RTL4: variants seen among roughly 807,000 people sequenced by gnomAD.
The protein encoded by RTL4 is retrotransposon Gag like 4, also known as retrotransposon Gag-like protein 4.
A neutral mutation model predicts 5.3 loss-of-function variants in RTL4; 4 were observed. The ratio of observed to expected loss-of-function variants is 0.75; its 90% CI spans 0.37 to 1.72. The LOEUF (loss-of-function observed/expected upper bound fraction) is 1.72. Ranked by LOEUF, RTL4 falls within the 40% of genes most tolerant of loss-of-function variation. The pLI is 0.04. For missense variants in RTL4, 260 were observed against 227.1 expected (o/e 1.14, Z -0.93); for synonymous variants, 98 against 87.3 (o/e 1.12, Z -0.68).
chrX:112,343,671 T>A, the RTL4 span, among the ~76,000 whole-genome samples: 1 of 111,914 alleles, frequency 8.9e-6, no homozygotes, highest in African/African-American at 3.2e-5. Context: ...TCTTTTAAAA[T>A]GAAGCAGCAG....
chrX:112,312,990 G>A, the RTL4 span, among the ~76,000 whole-genome samples: 1 of 111,228 alleles, frequency 9.0e-6, no homozygotes, highest in Non-Finnish European at 1.9e-5. Context: ...GTCAGGGAGT[G>A]CAGGGAATGT....
At chrX:112,346,149 C>G in the RTL4 span, among the ~76,000 whole-genome samples, 6 of 111,475 alleles carry the variant, frequency 5.4e-5, no homozygotes. Context: ...TCTCTGTTTT[C>G]TAAACAATTT....
chrX:112,219,793 T>A, the RTL4 span, among the ~76,000 whole-genome samples: 1 of 112,480 alleles, frequency 8.9e-6, no homozygotes, highest in Non-Finnish European at 1.9e-5. Context: ...TTTTTTGTAA[T>A]GTGGTACATG....
chrX:112,451,699 A>C (rs1267634974), upstream of RTL4, among the ~76,000 whole-genome samples: 1 of 111,519 alleles, frequency 9.0e-6, no homozygotes, highest in Non-Finnish European at 1.9e-5. Context: ...TTGAGTTTAG[A>C]AGTGACATCC....
the RTL4 span, among the ~76,000 whole-genome samples, chrX:112,163,279 G>A: frequency 1.8e-5 from 2 of 111,955 alleles, no homozygotes; most frequent in Non-Finnish European, 1.9e-5. Context: ...ATTTCCTAAG[G>A]CTTACTATCC....
chrX:112,386,935 G>A, the RTL4 span, among the ~76,000 whole-genome samples: 12 of 111,842 alleles, frequency 1.1e-4, no homozygotes, highest in East Asian at 8.5e-4. Flanking sequence ...TCTCCACACC[G>A]TTTCCAAAGT....
At chrX:112,322,498 T>C in the RTL4 span, among the ~76,000 whole-genome samples, 1 of 111,491 alleles carries the variant, frequency 9.0e-6, no homozygotes, top group Non-Finnish European at 1.9e-5. Flanking sequence ...CACATTCACG[T>C]ACACTGTCTC....
At chrX:112,207,150 C>T in the RTL4 span, among the ~76,000 whole-genome samples, 1 of 111,698 alleles carries the variant, frequency 9.0e-6, no homozygotes, top group Admixed American at 9.6e-5. Flanking sequence ...CACAACCAGC[C>T]CCAGGACTAA....
chrX:112,085,582 T>C, the RTL4 span, among the ~76,000 whole-genome samples: 1 of 111,634 alleles, frequency 9.0e-6, no homozygotes, highest in East Asian at 2.8e-4. Context: ...GCCCTGTGCA[T>C]TGTAGAATGT....
chrX:112,175,294 A>G, the RTL4 span, among the ~76,000 whole-genome samples: 2 of 92,808 alleles, frequency 2.2e-5, no homozygotes, highest in African/African-American at 3.9e-5. Context: ...AGCTTTCTAC[A>G]TATGGCTAGC....
At chrX:112,328,679 C>T in the RTL4 span, among the ~76,000 whole-genome samples, 1 of 111,955 alleles carries the variant, frequency 8.9e-6, no homozygotes, top group Admixed American at 9.5e-5. Context: ...CTAGAGAAAT[C>T]TCCACCCCAA....
At chrX:112,206,647 A>T in the RTL4 span, among the ~76,000 whole-genome samples, 2 of 111,071 alleles carry the variant, frequency 1.8e-5, no homozygotes. Context: ...ATCTACACTC[A>T]TTACATAGGT....
chrX:112,338,923 A>G, the RTL4 span, among the ~76,000 whole-genome samples: 1 of 112,187 alleles, frequency 8.9e-6, no homozygotes, highest in Non-Finnish European at 1.9e-5. Flanking sequence ...TGCATTTCCC[A>G]TGTCATGATT....
the RTL4 span, among the ~76,000 whole-genome samples, chrX:112,368,624 T>C: frequency 9.0e-6 from 1 of 110,639 alleles, no homozygotes; most frequent in African/African-American, 3.3e-5. Flanking sequence ...CATCCGACGA[T>C]GCATAGGGTA....
the RTL4 span, among the ~76,000 whole-genome samples, chrX:112,435,539 T>C: frequency 8.9e-6 from 1 of 112,003 alleles, no homozygotes; most frequent in Non-Finnish European, 1.9e-5. Flanking sequence ...AAAGAAGTAA[T>C]TGCTAACAAA....
chrX:112,430,072 G>A, the RTL4 span, among the ~76,000 whole-genome samples: 1 of 111,249 alleles, frequency 9.0e-6, no homozygotes, highest in East Asian at 2.8e-4. Flanking sequence ...TGGATCTGTG[G>A]TTTGGTGTCT....
At chrX:112,088,917 C>T in the RTL4 span, among the ~76,000 whole-genome samples, 1 of 111,376 alleles carries the variant, frequency 9.0e-6, no homozygotes, top group African/African-American at 3.3e-5. Context: ...GTTGACTGTC[C>T]TTTTGTTGTT....
chrX:112,139,456 G>A, the RTL4 span, among the ~76,000 whole-genome samples: 2 of 111,892 alleles, frequency 1.8e-5, no homozygotes, highest in Admixed American at 1.9e-4. Context: ...TATTTTGGAA[G>A]ATACACTTTG....
At chrX:112,456,847 CACAAA>C (rs1926852757) in exon 1 of RTL4, 1 of 124,072 alleles carries the variant, frequency 8.1e-6, no homozygotes, top group Admixed American at 9.5e-5. Flanking sequence ...ACCATTTGTG[CACAAA>C]ACTCAGGAAG....
Sources: gnomAD v4.1 joint callset for allele counts (sites outside exome capture counted in the v4.1 genomes callset) on GRCh38, gnomAD v4.1.1 for gene constraint, MANE v1.5 for transcripts, NCBI Gene and HGNC (gene_info 2026-07-23, HGNC 2026-07-21) for gene names.